The following MYT1L variants were observed in gnomAD, a reference collection of about 807,000 sequenced individuals.
The protein encoded by MYT1L is myelin transcription factor 1 like, also known as myelin transcription factor 1-like protein.
A neutral mutation model predicts 126.7 loss-of-function variants in MYT1L; 12 were observed. The ratio of observed to expected loss-of-function variants is 0.09; its 90% CI spans 0.06 to 0.15. MYT1L has a LOEUF of 0.15. Among genes scored for constraint, MYT1L ranks in the 10% least tolerant of loss-of-function variants. The pLI is 1.00. For synonymous variants in MYT1L, 541 were observed against 604.2 expected, an observed-to-expected ratio of 0.90 and a Z score of 1.53; for missense variants, 979 against 1,585.2, an observed-to-expected ratio of 0.62 and a Z score of 6.49.
rs1023486701 is a variant in MYT1L, at chr2:2,224,388, A to C, written c.-420-51400T>G. 1.3e-5 allele frequency among the ~76,000 whole-genome samples: 2 copies of C among 152,132 alleles called. No homozygotes were observed. The highest frequency in any genetic ancestry group is 1.5e-5 in the Non-Finnish European group (1 of 68,026). ...AGTGTCCCTCAAAACTAACATCCCC[A>C]AAAAGACCGGAGAGCTGGCGAGGTG... On this transcript the variant is annotated intron_variant, in intron 2 of 24. Coordinates refer to ENST00000647738, the MANE Select transcript of MYT1L (RefSeq NM_001303052.2). This position sits in a 1 kb window ranked among gnomAD's most constrained non-coding sequence, Gnocchi z 4.0.
intron 3 of MYT1L, among the ~76,000 whole-genome samples, chr2:2,118,270 T>G (rs540709371): frequency 1.3e-4 from 20 of 152,070 alleles, no homozygotes; most frequent in Non-Finnish European, 2.5e-4. Flanking sequence ...ATCTTAGATA[T>G]TTAATATGAA....
chr2:1,911,225 A>G (rs893070699), intron 12 of MYT1L, among the ~76,000 whole-genome samples: 2 of 152,226 alleles, frequency 1.3e-5, no homozygotes, highest in Non-Finnish European at 1.5e-5. Flanking sequence ...TTGTTTCATT[A>G]TAAATGTAAC....
rs71276816 is a variant in MYT1L at position 1,934,307 on chromosome 2, T to TATATATATATACAC, written c.505+8674_505+8675insGTGTATATATATAT. 3.8e-4 allele frequency among the ~76,000 whole-genome samples: 50 copies of TATATATATATACAC among 131,832 alleles called. 1 individual carries two copies. Among genetic ancestry groups the TATATATATATACAC allele is most frequent in the African/African-American group, 8.5e-4 (31 of 36,368 alleles). The allele number at this position is 131,832 out of a possible 152,430, so 86.5% of individuals were successfully genotyped here. ...TTTTTATAACATATATATATATATA[T>TATATATATATACAC]ACAACCTCATATATGTAATTTATAG... On this transcript the variant is annotated intron_variant, in intron 9 of 24. Coordinates refer to ENST00000647738, the MANE Select transcript of MYT1L (RefSeq NM_001303052.2).
chr2:1,914,203 G>A (rs1054867904), intron 11 of MYT1L, among the ~76,000 whole-genome samples: 4 of 151,774 alleles, frequency 2.6e-5, no homozygotes, highest in African/African-American at 4.8e-5. Context: ...GCAGTGAGCC[G>A]AGATTACGCC....
intron 20 of MYT1L, 25 bp from the exon 21 acceptor site, chr2:1,839,395 C>G: frequency 6.3e-7 from 1 of 1,591,452 alleles, no homozygotes; most frequent in South Asian, 1.1e-5. Flanking sequence ...AGGTGACACA[C>G]TTTATTGTCT....
chr2:2,134,101 T>C (rs998185342), intron 3 of MYT1L, among the ~76,000 whole-genome samples: 3 of 152,256 alleles, frequency 2.0e-5, no homozygotes, highest in Non-Finnish European at 4.4e-5. Flanking sequence ...CTAAACTCAC[T>C]ATCTCTCCCC....
chr2:2,040,773 T>G (rs985492788), intron 4 of MYT1L, among the ~76,000 whole-genome samples: 1 of 152,204 alleles, frequency 6.6e-6, no homozygotes, highest in African/African-American at 2.4e-5. Context: ...ATTTAAAAGT[T>G]TGAAGTAAAA....
rs1558727774 is a variant in MYT1L, at chr2:1,842,940, TCCAGGCGCTTCCGC to T, written c.2775-2111_2775-2098del. 45 of 175,268 alleles carry T rather than the reference TCCAGGCGCTTCCGC, an allele frequency of 2.6e-4. 1 individual carries two copies. The highest frequency in any genetic ancestry group is 1.1e-3 in the African/African-American group (44 of 41,756). The allele number at this position is 175,268 out of a possible 1,614,324, so 10.9% of individuals were successfully genotyped here. A position where few individuals can be genotyped will look rare whatever the true frequency, so the allele number is the denominator to read the frequency against. ...GCTTCCGCTTCCAGGCGCTTCCGCT[TCCAGGCGCTTCCGC>T]TTCCAGGCGCGCGGTGCTAGTACCG... On this transcript the variant is annotated intron_variant, in intron 19 of 24. Transcript: ENST00000647738.
intron 3 of MYT1L, among the ~76,000 whole-genome samples, chr2:2,093,458 T>A (rs1263265528): frequency 1.3e-5 from 2 of 152,242 alleles, no homozygotes; most frequent in African/African-American, 2.4e-5. Flanking sequence ...GAGCATTTTT[T>A]CATGTGTCTT....
intron 2 of MYT1L, among the ~76,000 whole-genome samples, chr2:2,206,874 G>A (rs183052073): frequency 4.7e-4 from 72 of 152,194 alleles, no homozygotes; most frequent in East Asian, 2.9e-3. Flanking sequence ...TAAAATAGCC[G>A]CCAAGCACGG....
At chr2:2,013,292 C>T (rs1326616799) in intron 4 of MYT1L, among the ~76,000 whole-genome samples, 1 of 152,194 alleles carries the variant, frequency 6.6e-6, no homozygotes, top group Non-Finnish European at 1.5e-5. Context: ...AGGGGCCAGG[C>T]TTCCCTCGAA....
intron 3 of MYT1L, among the ~76,000 whole-genome samples, chr2:2,120,388 A>G (rs2080828236): frequency 6.6e-6 from 1 of 152,074 alleles, no homozygotes; most frequent in Admixed American, 6.6e-5. Flanking sequence ...TGTGATGACT[A>G]TAACTTAACC....
intron 3 of MYT1L, among the ~76,000 whole-genome samples, chr2:2,110,893 C>G (rs1284914043): frequency 1.3e-5 from 2 of 152,122 alleles, no homozygotes; most frequent in Non-Finnish European, 2.9e-5. Context: ...CAACTGAGGT[C>G]TCAGGCCACC....
Position 2,294,544 on chromosome 2 carries a change from T to A in MYT1L, c.-520-10041A>T, listed in dbSNP as rs139897717. ...CACTGAACACATGCTGGAGACTGCA[T>A]TGCATTCGAGATATGAACGGAAGGA... On this transcript the variant is annotated intron_variant, in intron 1 of 24. Coordinates refer to ENST00000647738, the MANE Select transcript of MYT1L (RefSeq NM_001303052.2). 2.0e-3 allele frequency among the ~76,000 whole-genome samples: 311 copies of A among 152,052 alleles called. 3 individuals are homozygous for A. The highest frequency in any genetic ancestry group is 7.1e-3 in the African/African-American group (296 of 41,468).
chr2:1,894,031 T>C (rs1237045927), intron 14 of MYT1L, among the ~76,000 whole-genome samples: 4 of 152,256 alleles, frequency 2.6e-5, no homozygotes, highest in African/African-American at 7.2e-5. Context: ...CCCAGATTCC[T>C]GTGCATGAGC....
intron 2 of MYT1L, among the ~76,000 whole-genome samples, chr2:2,212,909 T>C (rs1004161255): frequency 1.3e-5 from 2 of 152,178 alleles, no homozygotes; most frequent in Admixed American, 1.3e-4. Flanking sequence ...CCAGTGTCCA[T>C]CTTCTCTGAG....
intron 2 of MYT1L, among the ~76,000 whole-genome samples, chr2:2,236,636 A>G (rs1282955004): frequency 1.4e-5 from 2 of 147,682 alleles, no homozygotes; most frequent in Non-Finnish European, 3.0e-5. Flanking sequence ...GCACATCCCA[A>G]CCCAACCCAG....
At chr2:1,892,407 G>C in intron 14 of MYT1L, 120 bp from the exon 15 acceptor site, 1 of 1,350,432 alleles carries the variant, frequency 7.4e-7, no homozygotes, top group Non-Finnish European at 9.8e-7. Flanking sequence ...ACGGCCCTCA[G>C]GGTGCTGGGG....
chr2:2,105,084 TATTGATG>T (rs2078584315), intron 3 of MYT1L, among the ~76,000 whole-genome samples: 1 of 152,238 alleles, frequency 6.6e-6, no homozygotes, highest in Admixed American at 6.5e-5. Context: ...TACTTTTATT[TATTGATG>T]ATTATATTTC....
Sources: gnomAD v4.1 joint callset for allele counts (sites outside exome capture counted in the v4.1 genomes callset) on GRCh38, gnomAD v4.1.1 for gene constraint, Gnocchi (gnomAD v3.1) non-coding constraint, MANE v1.5 for transcripts, NCBI Gene and HGNC (gene_info 2026-07-23, HGNC 2026-07-21) for gene names.